KHDRBS1: variants seen among roughly 807,000 people sequenced by gnomAD.
The protein encoded by KHDRBS1 is KH domain-containing, RNA-binding, signal transduction-associated protein 1.
KHDRBS1 carries 7 observed loss-of-function variants against 48.4 expected under a neutral mutation model. That is an observed-to-expected ratio of 0.14 (90% confidence interval 0.08 to 0.27). The LOEUF (loss-of-function observed/expected upper bound fraction) is 0.27, where lower values mean the gene tolerates loss of function less well. Ranked by LOEUF, KHDRBS1 falls within the 10% of genes least tolerant of loss-of-function variation. The pLI is 1.00. For missense variants in KHDRBS1, 458 were observed against 601.2 expected, an observed-to-expected ratio of 0.76 and a Z score of 2.49; for synonymous variants, 241 against 235.8, an observed-to-expected ratio of 1.02 and a Z score of -0.20.
rs147078644 is a variant in KHDRBS1, at chr1:32,051,146, C to T, written n.1301+5756C>T. The stretch of plus-strand genomic sequence containing the variant: ...CTCCTGACCTCAGGTGATCCGCCCG[C>T]ATCAGCCTCCCAAAGTGCTGGGATT... On this transcript the variant is annotated intron_variant and non_coding_transcript_variant, in intron 10 of 10. Transcript: ENST00000484270. Among the ~76,000 whole-genome samples, 828 of 152,344 alleles carry T rather than the reference C, an allele frequency of 5.4e-3. 10 individuals are homozygous for T. The highest frequency in any genetic ancestry group is 0.019 in the African/African-American group (796 of 41,578).
At chr1:32,053,976 C>T (rs995611902) in intron 10 of KHDRBS1, among the ~76,000 whole-genome samples, 2 of 151,920 alleles carry the variant, frequency 1.3e-5, no homozygotes, top group East Asian at 1.9e-4. Flanking sequence ...CCTGGCTACT[C>T]GGGAGGCTGA....
At chr1:32,046,113 C>A (rs1279482964), downstream of KHDRBS1, among the ~76,000 whole-genome samples, 1 of 152,030 alleles carries the variant, frequency 6.6e-6, no homozygotes, top group Non-Finnish European at 1.5e-5. Context: ...TACTCAAGCT[C>A]AAGATTTCTG....
intron 1 of KHDRBS1, among the ~76,000 whole-genome samples, chr1:32,029,937 C>G (rs1212875258): frequency 6.6e-6 from 1 of 151,998 alleles, no homozygotes; most frequent in African/African-American, 2.4e-5. Context: ...TTGTTTTTTT[C>G]AAGGTAAGAT....
intron 2 of KHDRBS1, 96 bp downstream of exon 2, chr1:32,030,518 G>A: frequency 5.7e-6 from 6 of 1,048,648 alleles, no homozygotes; most frequent in Non-Finnish European, 7.9e-6. Flanking sequence ...TGATGCTTTA[G>A]AAACTTAAGC....
At chr1:32,059,359 C>A (rs1639518169) in intron 10 of KHDRBS1, among the ~76,000 whole-genome samples, 1 of 151,668 alleles carries the variant, frequency 6.6e-6, no homozygotes, top group South Asian at 2.1e-4. Flanking sequence ...GAGTTTGAGA[C>A]CAGTCTGAGC....
chr1:32,056,934 CAG>C (rs1639484996), intron 10 of KHDRBS1, among the ~76,000 whole-genome samples: 1 of 152,074 alleles, frequency 6.6e-6, no homozygotes, highest in Admixed American at 6.5e-5. Flanking sequence ...TTTGTGGAAA[CAG>C]ATACTAAACA....
chr1:32,029,462 A>G (rs1027919773), intron 1 of KHDRBS1, among the ~76,000 whole-genome samples: 14 of 152,212 alleles, frequency 9.2e-5, no homozygotes, highest in African/African-American at 3.1e-4. Context: ...GTTCGAGACC[A>G]GCCTGACCAA....
chr1:32,033,073 C>A, intron 3 of KHDRBS1, 115 bp from the exon 4 acceptor site: 1 of 725,754 alleles, frequency 1.4e-6, no homozygotes, highest in Non-Finnish European at 2.4e-6. Flanking sequence ...TACCAATTAA[C>A]TTTACTGTTT....
Position 32,013,896 on chromosome 1 carries a change from G to A in KHDRBS1, c.-100G>A, listed in dbSNP as rs1638675986. The A allele has an allele frequency of 8.4e-7, 1 of 1,191,298 alleles. No homozygotes were observed. Among genetic ancestry groups the A allele is most frequent in the Non-Finnish European group, 1.1e-6 (1 of 926,660 alleles). The allele number at this position is 1,191,298 out of a possible 1,614,324, so 73.8% of individuals were successfully genotyped here. ...TCGCTGGGTCGCTCGGGTCGGCTTC[G>A]GTCGCTACCGCTCCCGCTCTGCCAC... On this transcript the variant is annotated 5_prime_UTR_variant, in exon 1 of 9. Coordinates refer to ENST00000327300, the MANE Select transcript of KHDRBS1 (RefSeq NM_006559.3).
chr1:32,033,127 A>C, intron 3 of KHDRBS1, 61 bp from the exon 4 acceptor site: 1 of 1,351,382 alleles, frequency 7.4e-7, no homozygotes, highest in Non-Finnish European at 1.1e-6. Context: ...TTTGGCTTAG[A>C]GGTAAAGGTG....
chr1:32,015,958 A>T (rs746131618), intron 1 of KHDRBS1, among the ~76,000 whole-genome samples: 21 of 152,310 alleles, frequency 1.4e-4, no homozygotes, highest in Non-Finnish European at 2.6e-4. Flanking sequence ...AGACGGGCTG[A>T]TCGCGAGGTC....
intron 1 of KHDRBS1, among the ~76,000 whole-genome samples, chr1:32,022,796 A>G (rs919698381): frequency 2.0e-5 from 3 of 152,136 alleles, no homozygotes; most frequent in Non-Finnish European, 4.4e-5. Flanking sequence ...AGGCTGAGAC[A>G]GGAGAATTGC....
At chr1:32,027,261 A>T (rs910482960) in intron 1 of KHDRBS1, among the ~76,000 whole-genome samples, 1 of 152,184 alleles carries the variant, frequency 6.6e-6, no homozygotes, top group Non-Finnish European at 1.5e-5. Context: ...CTCCTTGGTG[A>T]TGTTCTCAGA....
Position 32,042,662 on chromosome 1 carries a change from G to T in KHDRBS1, c.*38G>T, listed in dbSNP as rs1276841235. 1 of 1,246,022 alleles carries T rather than the reference G, an allele frequency of 8.0e-7. No individual in the cohort carries two copies. The highest frequency in any genetic ancestry group is 1.2e-6 in the Non-Finnish European group (1 of 849,918). The allele number at this position is 1,246,022 out of a possible 1,614,324, so 77.2% of individuals were successfully genotyped here. ...GGGGAAAATATCAGTTATGAGCAAA[G>T]TTGTTACTGATTTCTTGTATCTCCC... On this transcript the variant is annotated 3_prime_UTR_variant, in exon 9 of 9. Transcript: ENST00000327300.
chr1:32,033,110 C>T (rs1639112810), intron 3 of KHDRBS1, 78 bp from the exon 4 acceptor site: 2 of 1,098,028 alleles, frequency 1.8e-6, no homozygotes, highest in Admixed American at 1.8e-5. Context: ...GTATTTCTTG[C>T]TGTTCCTTTG....
intron 10 of KHDRBS1, among the ~76,000 whole-genome samples, chr1:32,057,805 A>C (rs1365913811): frequency 1.4e-5 from 2 of 148,110 alleles, no homozygotes; most frequent in African/African-American, 5.0e-5. Context: ...TCTCAAAAAA[A>C]AAAAAGAGAG....
rs57551650 is a variant in KHDRBS1, at chr1:32,054,128, T to C, written n.1302-6035T>C. ...TAAGCACTCAAATATTAGCTATAAA[T>C]AGAGATTGGAAGAATAAGTTAGTGC... On this transcript the variant is annotated intron_variant and non_coding_transcript_variant, in intron 10 of 10. Transcript: ENST00000484270. 8.4e-3 allele frequency among the ~76,000 whole-genome samples: 1,272 copies of C among 152,106 alleles called. 27 individuals carry two copies. Among genetic ancestry groups the C allele is most frequent in the African/African-American group, 0.029 (1,193 of 41,494 alleles).
At chr1:32,032,934 C>T (rs780073476) in intron 3 of KHDRBS1, among the ~76,000 whole-genome samples, 8 of 152,190 alleles carry the variant, frequency 5.3e-5, no homozygotes, top group East Asian at 1.9e-4. Context: ...GTGATCCTCC[C>T]GCGTCAGTCT....
chr1:32,035,647 CT>C (rs1639164014), intron 4 of KHDRBS1, among the ~76,000 whole-genome samples: 1 of 152,224 alleles, frequency 6.6e-6, no homozygotes, highest in Admixed American at 6.5e-5. Context: ...CTATGTATGT[CT>C]GTCTATCTGT....
Sources: allele counts gnomAD v4.1 joint callset (sites outside exome capture counted in the v4.1 genomes callset), GRCh38; gene constraint gnomAD v4.1.1; transcripts MANE v1.5; gene names NCBI Gene and HGNC (gene_info 2026-07-23, HGNC 2026-07-21).